Variants in KIAA1671 observed in about 807,000 individuals in gnomAD.
The protein encoded by KIAA1671 is uncharacterized protein KIAA1671.
A neutral mutation model predicts 131.2 loss-of-function variants in KIAA1671; 52 were observed. The observed-to-expected ratio is 0.40, with a 90% CI of 0.32 to 0.50. The LOEUF (loss-of-function observed/expected upper bound fraction) is 0.50. KIAA1671 is among the 20% of genes least tolerant of loss of function. The pLI, the probability that KIAA1671 is intolerant of heterozygous loss-of-function variation, is 0.73. For synonymous variants in KIAA1671, 1,003 were observed against 961.6 expected, an observed-to-expected ratio of 1.04 and a Z score of -0.80; for missense variants, 2,360 against 2,364.2, an observed-to-expected ratio of 1.00 and a Z score of 0.04.
intron 8 of KIAA1671, chr22:25,174,845 G>T: frequency 5.4e-6 from 1 of 185,878 alleles, no homozygotes; most frequent in Non-Finnish European, 1.1e-5. Context: ...AAGTCACCCT[G>T]AGGTTTATAG....
intron 6 of KIAA1671, among the ~76,000 whole-genome samples, chr22:25,147,085 C>A (rs144261463): frequency 6.6e-6 from 1 of 152,280 alleles, no homozygotes; most frequent in African/African-American, 2.4e-5. Flanking sequence ...TGCTCCACCC[C>A]CTTCCTTGCT....
chr22:24,990,340 C>T (rs1923771567), intron 1 of KIAA1671, among the ~76,000 whole-genome samples: 1 of 152,178 alleles, frequency 6.6e-6, no homozygotes, highest in African/African-American at 2.4e-5. Flanking sequence ...ATCCGCCTGC[C>T]TCGGCCTCCA....
intron 6 of KIAA1671, among the ~76,000 whole-genome samples, chr22:25,095,609 C>T (rs1013395791): frequency 6.6e-6 from 1 of 152,164 alleles, no homozygotes; most frequent in African/African-American, 2.4e-5. Context: ...TGAGGTCGCG[C>T]CACTGCACTC....
chr22:25,189,146 GTTTTGTTT>G (rs1167163146), intron 11 of KIAA1671, among the ~76,000 whole-genome samples: 15 of 82,502 alleles, frequency 1.8e-4, no homozygotes, highest in African/African-American at 6.3e-4. Flanking sequence ...TTTTTTTTTT[GTTTTGTTT>G]TTTTGTTTTT....
intron 1 of KIAA1671, among the ~76,000 whole-genome samples, chr22:24,993,924 C>T (rs1923972161): frequency 6.6e-6 from 1 of 151,966 alleles, no homozygotes; most frequent in African/African-American, 2.4e-5. Flanking sequence ...GCTACAAATA[C>T]AAAAAAATTA....
At chr22:25,035,785 G>C (rs1280023981) in intron 4 of KIAA1671, among the ~76,000 whole-genome samples, 3 of 152,144 alleles carry the variant, frequency 2.0e-5, no homozygotes, top group African/African-American at 7.2e-5. Context: ...CTGTAATTTT[G>C]TGTATGTTTA....
chr22:25,028,024 T>C lies in KIAA1671; in HGVS notation c.25T>C (p.Ser9Pro). ...CATGGCCACGCGGGTCGAGGTGGGC[T>C]CCATAACGCCCTTGACGGCCGTGCC... The part of the protein sequence containing the change: MATRVEVG[S>P]ITPLTAVPGL... The change falls in exon 3 of 13, where the codon TCC becomes CCC. Residue 9 changes from serine to proline, a missense_variant. Physicochemically the swap from Ser to Pro is moderately conservative, Grantham distance 74 (BLOSUM62 -1). This residue lies in a region of KIAA1671 where 1,185 missense variants were observed against 1,126.2 expected (regional missense o/e 1.05). Transcript: ENST00000358431. The C allele has an allele frequency of 6.6e-7, 1 of 1,508,762 alleles. No individual in the cohort carries two copies. The highest frequency in any genetic ancestry group is 8.9e-7 in the Non-Finnish European group (1 of 1,125,392). 93.5% of individuals were successfully genotyped at this position (1,508,762 alleles called of 1,614,324 possible). A position where few individuals can be genotyped will look rare whatever the true frequency, so the allele number is the denominator to read the frequency against.
Position 25,131,597 on chromosome 22 carries a change from T to A in KIAA1671, c.4531-39223T>A, listed in dbSNP as rs543503312. 2.0e-5 allele frequency among the ~76,000 whole-genome samples: 3 copies of A among 152,356 alleles called. No homozygotes were observed. The South Asian group carries it at 6.2e-4, about 32-fold the overall frequency. ...GGCTGATGTCACCCTGGGAAGCCATTCAACACTGGGGGCCACCTTCAGCCC... is the reference window on the plus strand; with the variant it reads ...GGCTGATGTCACCCTGGGAAGCCATACAACACTGGGGGCCACCTTCAGCCC... On this transcript the variant is annotated intron_variant, in intron 6 of 12. Coordinates refer to ENST00000358431, the MANE Select transcript of KIAA1671 (RefSeq NM_001145206.2).
At chr22:25,150,853 G>T (rs1308779842) in intron 6 of KIAA1671, among the ~76,000 whole-genome samples, 1 of 81,090 alleles carries the variant, frequency 1.2e-5, no homozygotes, top group Admixed American at 1.0e-4. Flanking sequence ...TTTTTTTTGA[G>T]ATGGAGTCTC....
At chr22:25,073,879 G>A (rs6004425) in intron 6 of KIAA1671, among the ~76,000 whole-genome samples, 73,132 of 151,952 alleles carry the variant, frequency 0.48, 18,227 homozygotes, top group African/African-American at 0.6. Flanking sequence ...TTTTTAATAG[G>A]GACGGGGTTT....
intron 7 of KIAA1671, among the ~76,000 whole-genome samples, chr22:25,173,062 C>G (rs1010258174): frequency 2.0e-5 from 3 of 152,186 alleles, no homozygotes; most frequent in Non-Finnish European, 4.4e-5. Context: ...AGGAAACTTA[C>G]AATCATGGCG....
In KIAA1671 at chr22:25,097,934, G is replaced by A. The variant is rs532986213; in HGVS notation, c.4530+48570G>A. ...TTTTCTTGGCATCTTATTCCCTCAT[G>A]GTCCCCAAATGGCTGCCACAGTTCC... On this transcript the variant is annotated intron_variant, in intron 6 of 12. Coordinates refer to ENST00000358431, the MANE Select transcript of KIAA1671 (RefSeq NM_001145206.2). Among the ~76,000 whole-genome samples, 4 of 152,128 alleles carry A rather than the reference G, an allele frequency of 2.6e-5. No individual in the cohort carries two copies. In the East Asian group the frequency reaches 7.7e-4, roughly 29 times the overall value.
At chr22:25,104,408 A>G (rs149602501) in intron 6 of KIAA1671, among the ~76,000 whole-genome samples, 271 of 152,296 alleles carry the variant, frequency 1.8e-3, no homozygotes, top group African/African-American at 6.3e-3. Context: ...GGAGATCTGG[A>G]AAAAGCCGAA....
rs138887970 is a variant in KIAA1671, at chr22:25,071,610, G to A, written c.4530+22246G>A. On this transcript the variant is annotated intron_variant, in intron 6 of 12. Transcript: ENST00000358431. Reference sequence around the variant, plus strand: ...AGAAGAAAAGAAGTCTCCAATAATCGTATTTTTGAATTGTGTGGTTTGCAA... The same window carrying A: ...AGAAGAAAAGAAGTCTCCAATAATCATATTTTTGAATTGTGTGGTTTGCAA... Among the ~76,000 whole-genome samples, 49 of 109,076 alleles carry A rather than the reference G, an allele frequency of 4.5e-4. No individual in the cohort carries two copies. In the East Asian group the frequency reaches 6.3e-3, roughly 14 times the overall value. 71.6% of individuals were successfully genotyped at this position (109,076 alleles called of 152,430 possible). A position where few individuals can be genotyped will look rare whatever the true frequency, so the allele number is the denominator to read the frequency against.
chr22:25,151,051 G>T (rs542598348), intron 6 of KIAA1671, among the ~76,000 whole-genome samples: 19 of 151,868 alleles, frequency 1.3e-4, no homozygotes, highest in African/African-American at 4.3e-4. Context: ...AGCCAGGATG[G>T]TCTCTATCTT....
intron 6 of KIAA1671, among the ~76,000 whole-genome samples, chr22:25,118,493 G>A (rs1931786168): frequency 6.6e-6 from 1 of 152,046 alleles, no homozygotes; most frequent in Non-Finnish European, 1.5e-5. Context: ...GTTTTACCTT[G>A]TTGCCCAAGG....
At chr22:24,962,173 A>G (rs557276955) in intron 1 of KIAA1671, among the ~76,000 whole-genome samples, 1 of 152,266 alleles carries the variant, frequency 6.6e-6, no homozygotes, top group Non-Finnish European at 1.5e-5. Context: ...GTAGAGTGAG[A>G]GAACGCAGCG....
At chr22:24,958,056 G>T (rs1024136674) in intron 1 of KIAA1671, among the ~76,000 whole-genome samples, 22 of 150,604 alleles carry the variant, frequency 1.5e-4, no homozygotes, top group African/African-American at 5.4e-4. Flanking sequence ...TGAAACTGAG[G>T]CTTCAAGAGG....
rs1452664230 is a variant in KIAA1671 at position 25,192,686 on chromosome 22, T to C, written c.*285T>C. The C allele has an allele frequency of 6.6e-6, 1 of 152,238 alleles. No homozygotes were observed. Among genetic ancestry groups the C allele is most frequent in the Non-Finnish European group, 1.5e-5 (1 of 68,054 alleles). The allele number at this position is 152,238 out of a possible 1,614,324, so 9.4% of individuals were successfully genotyped here. A position where few individuals can be genotyped will look rare whatever the true frequency, so the allele number is the denominator to read the frequency against. On this transcript the variant is annotated 3_prime_UTR_variant, in exon 13 of 13. Coordinates refer to ENST00000358431, the MANE Select transcript of KIAA1671 (RefSeq NM_001145206.2). ...ACGTCCATGTGGGTGGTTTTGCTTT[T>C]TATGTAAAAATTTGCATTTCTACCT... is the stretch of plus-strand genomic sequence containing the variant.
Sources: allele counts gnomAD v4.1 joint callset (sites outside exome capture counted in the v4.1 genomes callset), GRCh38; gene constraint gnomAD v4.1.1; regional missense constraint gnomAD v4.1.1; transcripts MANE v1.5; gene names NCBI Gene and HGNC (gene_info 2026-07-23, HGNC 2026-07-21).